The following TBX5 variants were observed in gnomAD, a reference collection of about 807,000 sequenced individuals.
The protein encoded by TBX5 is T-box transcription factor TBX5.
Under a neutral mutation model 51.1 loss-of-function variants are expected in TBX5, and 8 were observed. The observed-to-expected ratio is 0.16, with a 90% confidence interval of 0.09 to 0.28. The LOEUF (loss-of-function observed/expected upper bound fraction) is 0.28, where lower values mean the gene tolerates loss of function less well. TBX5 is among the 10% of genes least tolerant of loss of function. TBX5 has a pLI of 1.00. For synonymous variants in TBX5, 302 were observed against 266.4 expected, an observed-to-expected ratio of 1.13 and a Z score of -1.30; for missense variants, 589 against 671.7, an observed-to-expected ratio of 0.88 and a Z score of 1.36.
rs1473347802 is a variant in TBX5, at chr12:114,405,647, G to T, written c.-58C>A. The T allele has an allele frequency of 1.0e-6, 1 of 955,420 alleles. No homozygotes were observed. Among genetic ancestry groups the T allele is most frequent in the Non-Finnish European group, 1.2e-6 (1 of 802,580 alleles). The allele number at this position is 955,420 out of a possible 1,614,324, so 59.2% of individuals were successfully genotyped here. ...GGTTACCTCGTTCGGTGAAGCCGGT[G>T]CATTCACCACATCCTCTGCTGCTCC... is the stretch of plus-strand genomic sequence containing the variant. On this transcript the variant is annotated 5_prime_UTR_variant, in exon 1 of 9. Coordinates refer to ENST00000405440, the MANE Select transcript of TBX5 (RefSeq NM_181486.4).
At chr12:114,382,658 G>A (rs970448853) in intron 7 of TBX5, among the ~76,000 whole-genome samples, 3 of 152,102 alleles carry the variant, frequency 2.0e-5, no homozygotes, top group Admixed American at 6.5e-5. Context: ...TTAGCCAGGC[G>A]TGGTGGTGAA....
chr12:114,396,921 G>A (rs1306850322), intron 5 of TBX5, among the ~76,000 whole-genome samples: 1 of 152,166 alleles, frequency 6.6e-6, no homozygotes, highest in East Asian at 1.9e-4. Flanking sequence ...GTTTAACAGA[G>A]TGGCTCTGCA....
At chr12:114,407,094 C>A, upstream of TBX5, 1 of 985,328 alleles carries the variant, frequency 1.0e-6, no homozygotes, top group Non-Finnish European at 1.2e-6. Context: ...AGGAGAAATG[C>A]CCCGAGGTCA....
intron 6 of TBX5, among the ~76,000 whole-genome samples, chr12:114,390,147 T>C (rs144986555): frequency 6.6e-6 from 1 of 152,356 alleles, no homozygotes; most frequent in East Asian, 1.9e-4. Context: ...TATGTTGATC[T>C]TTACACGTAA....
chr12:114,396,472 C>T (rs966723435), intron 5 of TBX5, among the ~76,000 whole-genome samples: 2 of 152,154 alleles, frequency 1.3e-5, no homozygotes, highest in African/African-American at 4.8e-5. Context: ...GGTGGGAATG[C>T]CTGGCTTCTA....
At chr12:114,407,945 C>T, upstream of TBX5, 1 of 985,436 alleles carries the variant, frequency 1.0e-6, no homozygotes. Flanking sequence ...CTTCCAACGT[C>T]TGTCAAGAAG....
At chr12:114,369,360 A>G (rs1869728438) in intron 7 of TBX5, among the ~76,000 whole-genome samples, 1 of 152,200 alleles carries the variant, frequency 6.6e-6, no homozygotes, top group South Asian at 2.1e-4. Flanking sequence ...AAGCAATATC[A>G]TCCCAATAAC....
At chr12:114,402,827 A>G (rs1565942843) in intron 2 of TBX5, among the ~76,000 whole-genome samples, 1 of 148,934 alleles carries the variant, frequency 6.7e-6, no homozygotes, top group Non-Finnish European at 1.5e-5. Context: ...AAAAAAAAAA[A>G]TCCCTAAGTT....
chr12:114,371,341 C>G (rs1171078423), intron 7 of TBX5, among the ~76,000 whole-genome samples: 1 of 152,288 alleles, frequency 6.6e-6, no homozygotes, highest in East Asian at 1.9e-4. Context: ...CACAGACCAG[C>G]TTCTCCCCAG....
chr12:114,407,375 C>T (rs573810846), upstream of TBX5, among the ~76,000 whole-genome samples: 4 of 152,234 alleles, frequency 2.6e-5, no homozygotes, highest in Admixed American at 1.3e-4. Flanking sequence ...GACCCTAGGC[C>T]GAAGACACGA....
intron 6 of TBX5, among the ~76,000 whole-genome samples, chr12:114,392,746 C>T (rs150774277): frequency 7.4e-4 from 113 of 152,160 alleles, no homozygotes; most frequent in African/African-American, 2.6e-3. Flanking sequence ...GTGACCGTCA[C>T]CGCAAAGCTA....
At chr12:114,382,561 G>A (rs1870561520) in intron 7 of TBX5, among the ~76,000 whole-genome samples, 1 of 152,028 alleles carries the variant, frequency 6.6e-6, no homozygotes, top group Admixed American at 6.5e-5. Flanking sequence ...CACTTTGGGA[G>A]GCCGAGGCGG....
chr12:114,377,331 G>A (rs1870248144), intron 7 of TBX5, among the ~76,000 whole-genome samples: 1 of 152,162 alleles, frequency 6.6e-6, no homozygotes, highest in Non-Finnish European at 1.5e-5. Context: ...ATAGAAGAGG[G>A]AAGGTTCAAA....
intron 7 of TBX5, among the ~76,000 whole-genome samples, chr12:114,373,921 G>C (rs752893529): frequency 6.6e-6 from 1 of 152,236 alleles, no homozygotes; most frequent in Non-Finnish European, 1.5e-5. Context: ...AACAGGGGTA[G>C]GGTGGTGAGA....
intron 6 of TBX5, among the ~76,000 whole-genome samples, chr12:114,387,978 A>G (rs562773779): frequency 7.9e-5 from 12 of 152,186 alleles, no homozygotes; most frequent in Non-Finnish European, 1.5e-4. Flanking sequence ...CTGGGACCAC[A>G]GGCATGCACC....
intron 6 of TBX5, among the ~76,000 whole-genome samples, chr12:114,386,042 T>G (rs1412536665): frequency 6.6e-6 from 1 of 152,236 alleles, no homozygotes; most frequent in Non-Finnish European, 1.5e-5. Flanking sequence ...TCAAAAATTC[T>G]ATTATGCCTC....
chr12:114,381,685 G>A (rs1870512333), intron 7 of TBX5, among the ~76,000 whole-genome samples: 1 of 152,084 alleles, frequency 6.6e-6, no homozygotes, highest in Non-Finnish European at 1.5e-5. Flanking sequence ...ACTTACCCCA[G>A]GGCTCATACT....
At chr12:114,359,498 A>G (rs551655400) in intron 8 of TBX5, among the ~76,000 whole-genome samples, 1 of 152,330 alleles carries the variant, frequency 6.6e-6, no homozygotes, top group African/African-American at 2.4e-5. Context: ...AGATGAGTCC[A>G]CAACTCGGCT....
At chr12:114,368,313 T>C (rs945179120) in intron 7 of TBX5, among the ~76,000 whole-genome samples, 3 of 151,944 alleles carry the variant, frequency 2.0e-5, no homozygotes, top group Non-Finnish European at 2.9e-5. Context: ...CCAGCCTGGG[T>C]GACAGAGTGA....
Sources: allele counts gnomAD v4.1 joint callset (sites outside exome capture counted in the v4.1 genomes callset), GRCh38; gene constraint gnomAD v4.1.1; transcripts MANE v1.5; gene names NCBI Gene and HGNC (gene_info 2026-07-23, HGNC 2026-07-21).